Variants in GRAMD1B observed in about 807,000 individuals in gnomAD.
GRAMD1B encodes GRAM domain containing 1B, also known as protein Aster-B.
GRAMD1B carries 37 observed loss-of-function variants against 99.7 expected under a neutral mutation model. That is an observed-to-expected ratio of 0.37 (90% CI 0.29 to 0.49). GRAMD1B has a LOEUF of 0.49. Among genes scored for constraint, GRAMD1B ranks in the 20% least tolerant of loss-of-function variants. The pLI is 0.98. For synonymous variants in GRAMD1B, 427 were observed against 387.6 expected (o/e 1.10, Z -1.19); for missense variants, 888 against 1,009.2 (o/e 0.88, Z 1.63).
chr11:123,598,905 T>C, intron 7 of GRAMD1B: 2 of 1,227,534 alleles, frequency 1.6e-6, no homozygotes. Flanking sequence ...TAGGTATCTC[T>C]TATGCTCTGC....
At chr11:123,455,523 C>G (rs1950076530) in intron 1 of GRAMD1B, among the ~76,000 whole-genome samples, 1 of 152,136 alleles carries the variant, frequency 6.6e-6, no homozygotes, top group Admixed American at 6.6e-5. Flanking sequence ...GATCATTCAT[C>G]CTCTACTTGC....
intron 1 of GRAMD1B, among the ~76,000 whole-genome samples, chr11:123,468,695 G>T (rs1468522331): frequency 6.6e-6 from 1 of 151,502 alleles, no homozygotes; most frequent in South Asian, 2.1e-4. Flanking sequence ...TACTCAGGAG[G>T]CCGAGGTGGG....
intron 1 of GRAMD1B, among the ~76,000 whole-genome samples, chr11:123,393,844 G>A (rs969973347): frequency 6.6e-6 from 1 of 152,150 alleles, no homozygotes; most frequent in African/African-American, 2.4e-5. Context: ...CTCATGGTCT[G>A]TCTACCACAT....
chr11:123,519,027 G>A (rs574196617), intron 2 of GRAMD1B, among the ~76,000 whole-genome samples: 1 of 152,302 alleles, frequency 6.6e-6, no homozygotes, highest in Non-Finnish European at 1.5e-5. Flanking sequence ...AAACAGCCCC[G>A]CTTTGCTCTG....
At position 123,405,230 on chromosome 11, in the gene GRAMD1B, G is replaced by C. The variant is rs181459790; in HGVS notation, c.-176+46431G>C. On this transcript the variant is annotated intron_variant, in intron 1 of 20. Transcript: ENST00000638157. ...TGTGTGTGTGTGTGTGAAAGAGAGA[G>C]AGAGAGAGACTGCCTACAGCCTTAA... Among the ~76,000 whole-genome samples the C allele has an allele frequency of 5.3e-5, 8 of 151,990 alleles. No individual in the cohort carries two copies. In the East Asian group the frequency reaches 1.6e-3, roughly 29 times the overall value.
At chr11:123,415,664 C>T (rs1948211129) in intron 1 of GRAMD1B, among the ~76,000 whole-genome samples, 2 of 152,034 alleles carry the variant, frequency 1.3e-5, no homozygotes, top group East Asian at 1.9e-4. Context: ...CTCAGACACT[C>T]TTTTCCAAGC....
chr11:123,615,174 A>G (rs577377779), intron 17 of GRAMD1B, among the ~76,000 whole-genome samples: 121 of 152,228 alleles, frequency 7.9e-4, no homozygotes, highest in Non-Finnish European at 1.5e-3. Context: ...GAGAAATGCT[A>G]GAGGGCATTT....
intron 7 of GRAMD1B, chr11:123,598,325 G>A: frequency 2.5e-6 from 3 of 1,210,866 alleles, no homozygotes; most frequent in South Asian, 2.4e-5. Flanking sequence ...GGTTGTAAAT[G>A]ATCTCGTTCT....
At chr11:123,482,587 A>G (rs904618604) in intron 2 of GRAMD1B, among the ~76,000 whole-genome samples, 3 of 152,238 alleles carry the variant, frequency 2.0e-5, no homozygotes, top group Non-Finnish European at 2.9e-5. Context: ...ATGATCTTTG[A>G]AAGTTTTTAA....
intron 1 of GRAMD1B, among the ~76,000 whole-genome samples, chr11:123,448,443 C>T (rs971590694): frequency 4.6e-5 from 7 of 152,192 alleles, no homozygotes; most frequent in Middle Eastern, 3.2e-3. Flanking sequence ...TGGTCTCATA[C>T]GCTTGGTCTC....
chr11:123,409,407 C>A (rs970671384), intron 1 of GRAMD1B, among the ~76,000 whole-genome samples: 1 of 152,092 alleles, frequency 6.6e-6, no homozygotes, highest in Admixed American at 6.6e-5. Flanking sequence ...GTAACTGTGC[C>A]GCAGTCATCT....
At chr11:123,476,933 AG>A (rs1456752855) in intron 1 of GRAMD1B, among the ~76,000 whole-genome samples, 2 of 152,172 alleles carry the variant, frequency 1.3e-5, no homozygotes, top group African/African-American at 2.4e-5. Flanking sequence ...TAGTATTGAG[AG>A]TTATCATTTT....
At chr11:123,599,371 T>C (rs1951670698) in intron 7 of GRAMD1B, 5 of 687,886 alleles carry the variant, frequency 7.3e-6, no homozygotes, top group Non-Finnish European at 1.4e-5. Flanking sequence ...GACTTTTTAG[T>C]GAGCATCTCT....
chr11:123,415,722 C>T (rs368097004), intron 1 of GRAMD1B, among the ~76,000 whole-genome samples: 5 of 152,144 alleles, frequency 3.3e-5, no homozygotes, highest in South Asian at 2.1e-4. Flanking sequence ...GATTTAATAG[C>T]GACTCTCCTG....
intron 2 of GRAMD1B, among the ~76,000 whole-genome samples, chr11:123,517,361 G>A (rs1338463715): frequency 1.3e-5 from 2 of 152,228 alleles, no homozygotes; most frequent in Non-Finnish European, 2.9e-5. Flanking sequence ...TTAGGAGCAG[G>A]AAATGGAGCC....
At chr11:123,394,070 G>T (rs919151215) in intron 1 of GRAMD1B, among the ~76,000 whole-genome samples, 7 of 152,120 alleles carry the variant, frequency 4.6e-5, no homozygotes, top group African/African-American at 1.7e-4. Context: ...AAGGTTTCTT[G>T]TTACTAAGAT....
chr11:123,401,173 T>G (rs145042694), intron 1 of GRAMD1B, among the ~76,000 whole-genome samples: 2 of 152,344 alleles, frequency 1.3e-5, no homozygotes, highest in Admixed American at 6.5e-5. Flanking sequence ...CATGCAGATA[T>G]GATGAAATTG....
intron 8 of GRAMD1B, among the ~76,000 whole-genome samples, chr11:123,601,576 A>G (rs1188791232): frequency 6.6e-6 from 1 of 151,942 alleles, no homozygotes; most frequent in African/African-American, 2.4e-5. Flanking sequence ...TTAAATATAT[A>G]CATATATTGG....
intron 2 of GRAMD1B, among the ~76,000 whole-genome samples, chr11:123,496,800 A>C: frequency 6.6e-6 from 1 of 152,086 alleles, no homozygotes; most frequent in East Asian, 1.9e-4. Context: ...TGCTTAATTC[A>C]TTTTAATAAT....
Sources: gnomAD v4.1 joint callset for allele counts (sites outside exome capture counted in the v4.1 genomes callset) on GRCh38, gnomAD v4.1.1 for gene constraint, MANE v1.5 for transcripts, NCBI Gene and HGNC (gene_info 2026-07-23, HGNC 2026-07-21) for gene names.